The following CDH13 variants were observed in gnomAD, a reference collection of about 807,000 sequenced individuals.
The protein encoded by CDH13 is cadherin-13.
CDH13 carries 24 observed loss-of-function variants against 63.8 expected under a neutral mutation model. That is an observed-to-expected ratio of 0.38 (90% confidence interval 0.27 to 0.53). CDH13 has a LOEUF of 0.53. CDH13 is among the 20% of genes least tolerant of loss of function. CDH13 has a pLI of 0.85. For missense variants in CDH13, 1,049 were observed against 903.1 expected, an observed-to-expected ratio of 1.16 and a Z score of -2.07; for synonymous variants, 503 against 355.3, an observed-to-expected ratio of 1.42 and a Z score of -4.67.
chr16:82,959,065 C>G (rs749898695), intron 2 of CDH13, among the ~76,000 whole-genome samples: 2 of 152,134 alleles, frequency 1.3e-5, no homozygotes, highest in Admixed American at 6.5e-5. Flanking sequence ...TGTTCATGAT[C>G]TGACAGCTGT....
At chr16:83,478,688 G>T (rs1441936995) in intron 6 of CDH13, among the ~76,000 whole-genome samples, 1 of 151,958 alleles carries the variant, frequency 6.6e-6, no homozygotes, top group Non-Finnish European at 1.5e-5. Context: ...CCCAAAATTG[G>T]GCTGGAATCA....
intron 10 of CDH13, among the ~76,000 whole-genome samples, chr16:83,740,819 C>T (rs1911986958): frequency 6.6e-6 from 1 of 152,212 alleles, no homozygotes; most frequent in South Asian, 2.1e-4. Context: ...AGGCCCTGCC[C>T]AGGCCACTCA....
At chr16:82,639,905 AC>A (rs1909177736) in intron 1 of CDH13, among the ~76,000 whole-genome samples, 1 of 152,168 alleles carries the variant, frequency 6.6e-6, no homozygotes, top group Non-Finnish European at 1.5e-5. Flanking sequence ...CCGTCCCGCC[AC>A]CTGGTGGCCG....
intron 5 of CDH13, among the ~76,000 whole-genome samples, chr16:83,256,955 G>T (rs1477418): frequency 2.0e-5 from 3 of 152,010 alleles, no homozygotes; most frequent in East Asian, 3.9e-4. Context: ...CCTGCTATAT[G>T]TTGGGGCCTG....
At chr16:83,321,016 C>G (rs926418736) in intron 5 of CDH13, among the ~76,000 whole-genome samples, 4 of 152,082 alleles carry the variant, frequency 2.6e-5, no homozygotes, top group Non-Finnish European at 5.9e-5. Context: ...TGTGATGCTA[C>G]CAGGTGATAG....
At chr16:83,258,280 A>G (rs1282681434) in intron 5 of CDH13, among the ~76,000 whole-genome samples, 1 of 152,238 alleles carries the variant, frequency 6.6e-6, no homozygotes, top group African/African-American at 2.4e-5. Context: ...AAATGTGCCA[A>G]TAAAAGGTAT....
chr16:82,636,856 A>G (rs1908717280), intron 1 of CDH13, among the ~76,000 whole-genome samples: 1 of 152,202 alleles, frequency 6.6e-6, no homozygotes, highest in Admixed American at 6.5e-5. Flanking sequence ...TGCCAACCTG[A>G]GAGTTTCCTA....
In CDH13 at chr16:82,831,332, C is replaced by A. The variant is rs866215124; in HGVS notation, c.46-27030C>A. The stretch of plus-strand genomic sequence containing the variant: ...CGGTATCAAGTTTCTCTGCTTTCAT[C>A]CAGAATCCTAACAATTCAGCTTGGT... On this transcript the variant is annotated intron_variant, in intron 1 of 13. Transcript: ENST00000567109. Among the ~76,000 whole-genome samples, 41 of 152,210 alleles carry A rather than the reference C, an allele frequency of 2.7e-4. 1 individual carries two copies. Among genetic ancestry groups the A allele is most frequent in the Middle Eastern group, 6.8e-3 (2 of 292 alleles).
At chr16:83,371,947 G>T (rs1037595248) in intron 6 of CDH13, among the ~76,000 whole-genome samples, 5 of 152,168 alleles carry the variant, frequency 3.3e-5, no homozygotes, top group Admixed American at 2.0e-4. Context: ...TCATCCCCCG[G>T]ACCGTATATA....
chr16:82,846,115 C>T (rs909728459), intron 1 of CDH13, among the ~76,000 whole-genome samples: 4 of 152,186 alleles, frequency 2.6e-5, no homozygotes, highest in African/African-American at 9.7e-5. Flanking sequence ...CCAAATGGCT[C>T]CCTGTTTCTT....
intron 5 of CDH13, among the ~76,000 whole-genome samples, chr16:83,272,572 T>A (rs1000936311): frequency 6.6e-6 from 1 of 152,204 alleles, no homozygotes; most frequent in Non-Finnish European, 1.5e-5. Context: ...AGTCCGGGGC[T>A]CATCAAATTT....
Position 82,896,309 on chromosome 16 carries a change from T to TTTTTTTTG in CDH13, c.157+37836_157+37837insTTTTTTTG, listed in dbSNP as rs1597162294. 4.7e-5 allele frequency among the ~76,000 whole-genome samples: 5 copies of TTTTTTTTG among 105,282 alleles called. 1 individual carries two copies. The highest frequency in any genetic ancestry group is 1.6e-4 in the African/African-American group (5 of 30,520). 69.1% of individuals were successfully genotyped at this position (105,282 alleles called of 152,430 possible). A position where few individuals can be genotyped will look rare whatever the true frequency, so the allele number is the denominator to read the frequency against. ...TTTTTTTTTTTTTTTTTTTTTTTTTTGAAACAAGGTCTTCCTCTGTCTCCC... is the reference window on the plus strand; with the variant it reads ...TTTTTTTTTTTTTTTTTTTTTTTTTTTTTTTTTGGAAACAAGGTCTTCCTCTGTCTCCC... On this transcript the variant is annotated intron_variant, in intron 2 of 13. Transcript: ENST00000567109.
At chr16:82,898,070 G>A (rs2041329530) in intron 2 of CDH13, among the ~76,000 whole-genome samples, 1 of 152,140 alleles carries the variant, frequency 6.6e-6, no homozygotes, top group Non-Finnish European at 1.5e-5. Flanking sequence ...TTCTCAAAGA[G>A]TGAATAAAGA....
At chr16:83,462,614 C>A (rs903460978) in intron 6 of CDH13, among the ~76,000 whole-genome samples, 1 of 152,092 alleles carries the variant, frequency 6.6e-6, no homozygotes. Context: ...ATAAATTAGC[C>A]AGGTGTGATG....
chr16:83,508,873 C>CT (rs1401530608), intron 7 of CDH13, among the ~76,000 whole-genome samples: 1 of 152,156 alleles, frequency 6.6e-6, no homozygotes, highest in Non-Finnish European at 1.5e-5. Flanking sequence ...CACAAGGTAC[C>CT]GTGTAGAGCT....
At chr16:83,234,968 C>T (rs538705590) in intron 5 of CDH13, among the ~76,000 whole-genome samples, 5 of 152,254 alleles carry the variant, frequency 3.3e-5, no homozygotes, top group African/African-American at 1.2e-4. Context: ...AGGCCTAAGC[C>T]AGAGGATTGC....
chr16:83,365,396 A>G (rs114933724), intron 6 of CDH13, among the ~76,000 whole-genome samples: 1,773 of 152,320 alleles, frequency 0.012, 28 homozygotes, highest in African/African-American at 0.039. Context: ...CTAATAATTC[A>G]AATGGTAATC....
At chr16:83,114,187 A>G (rs2035193223) in intron 3 of CDH13, among the ~76,000 whole-genome samples, 1 of 152,222 alleles carries the variant, frequency 6.6e-6, no homozygotes, top group South Asian at 2.1e-4. Context: ...ATGGTGATTC[A>G]GATGATTAGT....
At chr16:83,239,826 G>T (rs1268438096) in intron 5 of CDH13, among the ~76,000 whole-genome samples, 1 of 152,152 alleles carries the variant, frequency 6.6e-6, no homozygotes, top group African/African-American at 2.4e-5. Context: ...AAATGCCCCT[G>T]AGTAAAGTTA....
Sources: gnomAD v4.1 joint callset for allele counts (sites outside exome capture counted in the v4.1 genomes callset) on GRCh38, gnomAD v4.1.1 for gene constraint, MANE v1.5 for transcripts, NCBI Gene and HGNC (gene_info 2026-07-23, HGNC 2026-07-21) for gene names.